Variants in EML4 observed in about 807,000 individuals in gnomAD.
EML4 encodes EMAP like 4, also known as echinoderm microtubule-associated protein-like 4.
EML4 carries 72 observed loss-of-function variants against 129.0 expected under a neutral mutation model. The observed-to-expected ratio is 0.56, with a 90% CI of 0.46 to 0.68. The LOEUF is 0.68. Ranked by LOEUF, EML4 falls within the 30% of genes least tolerant of loss-of-function variation. The pLI is 0.00. For missense variants in EML4, 1,363 were observed against 1,190.6 expected (o/e 1.14, Z -2.13); for synonymous variants, 532 against 405.0 (o/e 1.31, Z -3.77).
chr2:42,177,264 T>A (rs1459863247), intron 1 of EML4, among the ~76,000 whole-genome samples: 1 of 151,996 alleles, frequency 6.6e-6, no homozygotes, highest in Non-Finnish European at 1.5e-5. Context: ...CTCTTTTTTT[T>A]TTTAAAGAAA....
intron 19 of EML4, among the ~76,000 whole-genome samples, chr2:42,321,686 TGTTCTAGCTG>T: frequency 6.6e-6 from 1 of 152,288 alleles, no homozygotes; most frequent in South Asian, 2.1e-4. Flanking sequence ...GAAATAATAG[TGTTCTAGCTG>T]GTCACTCAAC....
intron 20 of EML4, 106 bp from the exon 21 acceptor site, chr2:42,326,048 A>T: frequency 6.9e-7 from 1 of 1,445,808 alleles, no homozygotes; most frequent in Non-Finnish European, 9.3e-7. Flanking sequence ...TTTTCAGTGT[A>T]TGGATTATAA....
At chr2:42,221,863 C>G (rs1481735811) in intron 1 of EML4, among the ~76,000 whole-genome samples, 1 of 152,024 alleles carries the variant, frequency 6.6e-6, no homozygotes, top group Admixed American at 6.5e-5. Context: ...CTCAGCCTCC[C>G]AAAGTGCTGG....
intron 6 of EML4, among the ~76,000 whole-genome samples, chr2:42,278,887 G>A (rs1666815495): frequency 6.6e-6 from 1 of 151,822 alleles, no homozygotes; most frequent in Admixed American, 6.6e-5. Flanking sequence ...AGTGAGCCAA[G>A]ATGGCACCAT....
chr2:42,253,929 A>G (rs1350059272), intron 2 of EML4, among the ~76,000 whole-genome samples: 6 of 152,242 alleles, frequency 3.9e-5, no homozygotes, highest in South Asian at 2.1e-4. Flanking sequence ...TTTCATCAAA[A>G]TTTAAAAATC....
intron 9 of EML4, 136 bp downstream of exon 9, chr2:42,284,839 G>A (rs1211932204): frequency 3.7e-6 from 2 of 535,078 alleles, no homozygotes; most frequent in Non-Finnish European, 3.1e-6. Context: ...TATAAGCATG[G>A]AAAAAACATT....
chr2:42,257,205 T>C lies in EML4; in HGVS notation c.338+575T>C, dbSNP rs1008474214. ...GTTTCAGTGGATTACAGATTTGCAT[T>C]CTTTATGTTCTTTTCATCAGTTAAC... On this transcript the variant is annotated intron_variant, in intron 3 of 22. Coordinates refer to ENST00000318522, the MANE Select transcript of EML4 (RefSeq NM_019063.5). Among the ~76,000 whole-genome samples the C allele has an allele frequency of 2.6e-5, 4 of 152,096 alleles. No individual in the cohort carries two copies. The South Asian group carries it at 8.3e-4, about 32-fold the overall frequency.
intron 1 of EML4, among the ~76,000 whole-genome samples, chr2:42,233,324 T>G (rs2104214450): frequency 6.6e-6 from 1 of 151,694 alleles, no homozygotes; most frequent in Non-Finnish European, 1.5e-5. Flanking sequence ...TTTTTTTTTT[T>G]TAATGGAGTC....
chr2:42,257,688 A>T (rs1002169044), intron 3 of EML4, among the ~76,000 whole-genome samples: 1 of 152,062 alleles, frequency 6.6e-6, no homozygotes, highest in Non-Finnish European at 1.5e-5. Flanking sequence ...TACAAAAAAA[A>T]TAGCCAGGCG....
At chr2:42,302,912 G>C (rs920143830) in intron 14 of EML4, among the ~76,000 whole-genome samples, 192 bp from the exon 15 acceptor site, 2 of 152,060 alleles carry the variant, frequency 1.3e-5, no homozygotes, top group African/African-American at 4.8e-5. Context: ...AAAGAATGTT[G>C]ATAATTATTA....
intron 1 of EML4, among the ~76,000 whole-genome samples, chr2:42,231,602 A>G (rs2104200866): frequency 6.6e-6 from 1 of 152,200 alleles, no homozygotes; most frequent in African/African-American, 2.4e-5. Context: ...TTATCCTCTT[A>G]TGTAATCAAT....
At chr2:42,319,897 G>C (rs1558609573) in intron 19 of EML4, 1 of 152,122 alleles carries the variant, frequency 6.6e-6, no homozygotes, top group Admixed American at 6.5e-5. Context: ...TACGCTTAGA[G>C]CTTTAGGAAG....
chr2:42,230,477 G>A (rs1674262124), intron 1 of EML4, among the ~76,000 whole-genome samples: 1 of 151,978 alleles, frequency 6.6e-6, no homozygotes, highest in Admixed American at 6.6e-5. Context: ...TGCAATCTTG[G>A]CTCACTGTAA....
intron 6 of EML4, among the ~76,000 whole-genome samples, chr2:42,265,734 C>T (rs13423729): frequency 0.23 from 34,955 of 151,992 alleles, 5,726 homozygotes; most frequent in African/African-American, 0.47. Flanking sequence ...TGCAAATAAT[C>T]ACTCATTTCT....
At chr2:42,284,481 A>G (rs963475519) in intron 8 of EML4, among the ~76,000 whole-genome samples, 153 bp from the exon 9 acceptor site, 1 of 152,250 alleles carries the variant, frequency 6.6e-6, no homozygotes, top group Non-Finnish European at 1.5e-5. Flanking sequence ...AGAAATCTTC[A>G]GATATTTGAT....
chr2:42,223,520 A>G (rs140073532), intron 1 of EML4, among the ~76,000 whole-genome samples: 8 of 152,254 alleles, frequency 5.3e-5, no homozygotes, highest in African/African-American at 1.4e-4. Flanking sequence ...AAGAGCTCTT[A>G]AATGTCAGTA....
rs781062547 is a variant in EML4, at chr2:42,295,434, T to A, written c.1407T>A (p.Asp469Glu). 6.2e-7 allele frequency: 1 copy of A among 1,613,968 alleles called. No homozygotes were observed. The highest frequency in any genetic ancestry group is 8.5e-7 in the Non-Finnish European group (1 of 1,179,866). The part of the protein sequence containing the change: ...VQCLAFLGNG[D>E]VLTGDSGGVM... ...GTTTAGCATTCTTGGGGAATGGAGATGTTCTTACTGGAGACTCAGGTGGAG... is the reference window on the plus strand; with the variant it reads ...GTTTAGCATTCTTGGGGAATGGAGAAGTTCTTACTGGAGACTCAGGTGGAG... Residue 469 changes from aspartate (D) to glutamate (E), a missense_variant, in exon 13 of 23, where the codon GAT (aspartate) becomes GAA (glutamate). Coordinates refer to ENST00000318522, the MANE Select transcript of EML4 (RefSeq NM_019063.5).
intron 7 of EML4, among the ~76,000 whole-genome samples, chr2:42,281,802 C>G (rs1202996615): frequency 1.3e-5 from 2 of 151,938 alleles, no homozygotes; most frequent in African/African-American, 4.8e-5. Context: ...ATTTTCACTT[C>G]TTTTAGAACC....
chr2:42,281,424 C>G (rs951342260), intron 7 of EML4, among the ~76,000 whole-genome samples: 1 of 150,876 alleles, frequency 6.6e-6, no homozygotes, highest in Admixed American at 6.6e-5. Context: ...GAGACATTAT[C>G]TCTAATTCTT....
Sources: allele counts gnomAD v4.1 joint callset (sites outside exome capture counted in the v4.1 genomes callset), GRCh38; gene constraint gnomAD v4.1.1; transcripts MANE v1.5; gene names NCBI Gene and HGNC (gene_info 2026-07-23, HGNC 2026-07-21).